The following TTBK2 variants were observed in gnomAD, a reference collection of about 807,000 sequenced individuals.
The protein encoded by TTBK2 is tau-tubulin kinase 2.
A neutral mutation model predicts 110.8 loss-of-function variants in TTBK2; 28 were observed. The ratio of observed to expected loss-of-function variants is 0.25; its 90% CI spans 0.19 to 0.35. The LOEUF is 0.35. Ranked by LOEUF, TTBK2 falls within the 10% of genes least tolerant of loss-of-function variation. The pLI is 1.00. For missense variants in TTBK2, 1,369 were observed against 1,500.3 expected (o/e 0.91, Z 1.45); for synonymous variants, 532 against 527.3 (o/e 1.01, Z -0.12).
chr15:42,889,289 T>TG, intron 1 of TTBK2, among the ~76,000 whole-genome samples: 1 of 152,222 alleles, frequency 6.6e-6, no homozygotes, highest in Non-Finnish European at 1.5e-5. Flanking sequence ...CCTCTTGGTC[T>TG]GGGTAGATAC....
chr15:42,776,882 G>A, intron 12 of TTBK2, 149 bp downstream of exon 12: 1 of 707,256 alleles, frequency 1.4e-6, no homozygotes, highest in Non-Finnish European at 2.4e-6. Context: ...ATGAAAATTG[G>A]AGCTGAATAG....
intron 1 of TTBK2, among the ~76,000 whole-genome samples, chr15:42,918,189 T>C (rs1324951255): frequency 6.6e-6 from 1 of 152,012 alleles, no homozygotes; most frequent in Non-Finnish European, 1.5e-5. Flanking sequence ...TCAGTCTCCC[T>C]AGTAGCTGGA....
At chr15:42,826,335 T>C (rs915733716) in intron 6 of TTBK2, among the ~76,000 whole-genome samples, 6 of 152,282 alleles carry the variant, frequency 3.9e-5, no homozygotes, top group African/African-American at 1.4e-4. Flanking sequence ...AGACAGGAGC[T>C]GAGACCAAAT....
chr15:42,760,817 AT>A (rs888006586), intron 13 of TTBK2, among the ~76,000 whole-genome samples: 5 of 152,212 alleles, frequency 3.3e-5, no homozygotes, highest in Admixed American at 3.3e-4. Context: ...TACCAATGAC[AT>A]TTTTTGCAGA....
chr15:42,827,916 G>A lies in TTBK2; in HGVS notation c.537+12C>T. The A allele has an allele frequency of 6.2e-7, 1 of 1,604,084 alleles. No homozygotes were observed. Among genetic ancestry groups the A allele is most frequent in the Non-Finnish European group, 8.5e-7 (1 of 1,171,750 alleles). ...ATTATCAAATATTTGATAATAATAT[G>A]AAAAATCTTACTGGTCTGACGTCAC... On this transcript the variant is annotated intron_variant, in intron 6 of 14. Coordinates refer to ENST00000267890, the MANE Select transcript of TTBK2 (RefSeq NM_173500.4).
At chr15:42,856,355 T>A (rs148241458) in intron 3 of TTBK2, among the ~76,000 whole-genome samples, 1 of 151,604 alleles carries the variant, frequency 6.6e-6, no homozygotes, top group Non-Finnish European at 1.5e-5. Context: ...TTTATCAAAC[T>A]AAGAACTTCA....
chr15:42,878,127 C>A (rs1268590930), intron 2 of TTBK2, among the ~76,000 whole-genome samples: 2 of 149,590 alleles, frequency 1.3e-5, no homozygotes, highest in Non-Finnish European at 3.0e-5. Flanking sequence ...GGCGCCTGCA[C>A]CACGCCCAGC....
intron 2 of TTBK2, among the ~76,000 whole-genome samples, chr15:42,874,961 G>A (rs1894758641): frequency 9.5e-6 from 1 of 105,756 alleles, no homozygotes; most frequent in East Asian, 2.9e-4. Flanking sequence ...ACTCCAGCCT[G>A]GGCAACAGTG....
chr15:42,805,822 T>C (rs546364168), intron 9 of TTBK2, among the ~76,000 whole-genome samples: 37 of 152,292 alleles, frequency 2.4e-4, no homozygotes, highest in African/African-American at 7.5e-4. Flanking sequence ...TACCCTTTCC[T>C]GATAATAGTA....
At chr15:42,864,222 A>G (rs1471399776) in intron 3 of TTBK2, among the ~76,000 whole-genome samples, 1 of 152,228 alleles carries the variant, frequency 6.6e-6, no homozygotes, top group Non-Finnish European at 1.5e-5. Context: ...TAAGAAACTT[A>G]AACAAATGAA....
At chr15:42,831,146 A>G (rs1336531533) in intron 4 of TTBK2, among the ~76,000 whole-genome samples, 3 of 151,930 alleles carry the variant, frequency 2.0e-5, no homozygotes, top group Non-Finnish European at 2.9e-5. Context: ...ACTTTCTTCA[A>G]TCAGTTTCCT....
At chr15:42,795,460 T>C (rs944004301) in intron 9 of TTBK2, among the ~76,000 whole-genome samples, 1 of 152,138 alleles carries the variant, frequency 6.6e-6, no homozygotes, top group Non-Finnish European at 1.5e-5. Flanking sequence ...CTCTATTGTT[T>C]CTGTCATAGG....
chr15:42,838,608 G>T (rs535139411), intron 4 of TTBK2, among the ~76,000 whole-genome samples: 2 of 152,184 alleles, frequency 1.3e-5, no homozygotes, highest in African/African-American at 4.8e-5. Context: ...CTGAGGTCAG[G>T]AGTTCAACGC....
At chr15:42,825,193 T>C (rs1262701108) in intron 6 of TTBK2, among the ~76,000 whole-genome samples, 1 of 151,960 alleles carries the variant, frequency 6.6e-6, no homozygotes, top group East Asian at 1.9e-4. Context: ...ATAAAAAAAT[T>C]AGAAGTAGAT....
intron 1 of TTBK2, among the ~76,000 whole-genome samples, chr15:42,918,254 A>G (rs1031888339): frequency 6.6e-6 from 1 of 151,902 alleles, no homozygotes; most frequent in Non-Finnish European, 1.5e-5. Context: ...TTTTGTAGAG[A>G]CAGGATCTCC....
At chr15:42,746,406 A>T in intron 14 of TTBK2, 149 bp from the exon 15 acceptor site, 1 of 656,412 alleles carries the variant, frequency 1.5e-6, no homozygotes, top group Non-Finnish European at 2.6e-6. Flanking sequence ...TACTAGTTGT[A>T]TGACCCTGGA....
At chr15:42,753,469 AT>A (rs1469136737) in intron 13 of TTBK2, among the ~76,000 whole-genome samples, 1 of 152,178 alleles carries the variant, frequency 6.6e-6, no homozygotes, top group Non-Finnish European at 1.5e-5. Context: ...CTGTAGGTTT[AT>A]CCCTGCCCCT....
At chr15:42,818,926 A>AT (rs1892164214) in intron 6 of TTBK2, among the ~76,000 whole-genome samples, 1 of 148,950 alleles carries the variant, frequency 6.7e-6, no homozygotes, top group South Asian at 2.1e-4. Context: ...CCGTCTCAAA[A>AT]AAAAAAAACA....
intron 11 of TTBK2, among the ~76,000 whole-genome samples, chr15:42,779,120 T>C (rs1890067517): frequency 6.6e-6 from 1 of 152,118 alleles, no homozygotes; most frequent in African/African-American, 2.4e-5. Context: ...TAACTTTATA[T>C]TTGGGCTGGG....
Sources: allele counts gnomAD v4.1 joint callset (sites outside exome capture counted in the v4.1 genomes callset), GRCh38; gene constraint gnomAD v4.1.1; transcripts MANE v1.5; gene names NCBI Gene and HGNC (gene_info 2026-07-23, HGNC 2026-07-21).